The following PCCA variants were observed in gnomAD, a reference collection of about 807,000 sequenced individuals.
PCCA encodes propionyl-CoA carboxylase alpha chain, mitochondrial.
Under a neutral mutation model 101.3 loss-of-function variants are expected in PCCA, and 74 were observed. That is an observed-to-expected ratio of 0.73 (90% CI 0.61 to 0.89). PCCA has a LOEUF of 0.89. Ranked by LOEUF, PCCA falls within the 40% of genes least tolerant of loss-of-function variation. The probability of loss-of-function intolerance (pLI) is 0.00; values close to 1 mark genes in which losing one functional copy is unlikely to be tolerated. For missense variants in PCCA, 891 were observed against 907.0 expected (o/e 0.98, Z 0.23); for synonymous variants, 294 against 313.6 (o/e 0.94, Z 0.66).
chr13:100,205,808 A>C (rs953440053), intron 6 of PCCA, among the ~76,000 whole-genome samples: 2 of 152,158 alleles, frequency 1.3e-5, no homozygotes, highest in African/African-American at 4.8e-5. Flanking sequence ...CCATCTTTGC[A>C]AGTAAAATGA....
intron 8 of PCCA, among the ~76,000 whole-genome samples, chr13:100,256,256 C>T (rs1420938539): frequency 3.3e-5 from 5 of 152,140 alleles, no homozygotes; most frequent in African/African-American, 1.2e-4. Flanking sequence ...TCGCCCACCT[C>T]AGCCTCCCAA....
chr13:100,126,869 T>C (rs2050008826), intron 4 of PCCA, among the ~76,000 whole-genome samples: 1 of 152,206 alleles, frequency 6.6e-6, no homozygotes, highest in Non-Finnish European at 1.5e-5. Context: ...TGTATTAACT[T>C]AATTAAAGCA....
intron 6 of PCCA, among the ~76,000 whole-genome samples, chr13:100,208,336 T>C (rs2058996714): frequency 6.6e-6 from 1 of 152,174 alleles, no homozygotes; most frequent in Non-Finnish European, 1.5e-5. Flanking sequence ...TCAAGATTCT[T>C]TGCAGGCAGC....
At chr13:100,231,760 C>T (rs890957504) in intron 7 of PCCA, among the ~76,000 whole-genome samples, 59 of 151,978 alleles carry the variant, frequency 3.9e-4, no homozygotes, top group African/African-American at 1.4e-3. Context: ...TAAATATAGA[C>T]AAGGTCTTGC....
At chr13:100,465,793 G>T (rs2082470744) in intron 21 of PCCA, among the ~76,000 whole-genome samples, 1 of 152,246 alleles carries the variant, frequency 6.6e-6, no homozygotes, top group South Asian at 2.1e-4. Context: ...CAGAACAGAT[G>T]TGAAACTTAG....
At chr13:100,403,648 T>A (rs1404324682) in intron 19 of PCCA, among the ~76,000 whole-genome samples, 1 of 152,176 alleles carries the variant, frequency 6.6e-6, no homozygotes, top group Non-Finnish European at 1.5e-5. Flanking sequence ...TGGGGTTCTT[T>A]GTCCCATGGC....
chr13:100,442,236 C>G (rs1243086824), intron 20 of PCCA, among the ~76,000 whole-genome samples: 1 of 152,104 alleles, frequency 6.6e-6, no homozygotes, highest in Non-Finnish European at 1.5e-5. Context: ...TCAAGTGATC[C>G]GCCTTCCTTG....
intron 5 of PCCA, among the ~76,000 whole-genome samples, chr13:100,155,340 G>C (rs1439671751): frequency 6.6e-6 from 1 of 152,172 alleles, no homozygotes; most frequent in Non-Finnish European, 1.5e-5. Context: ...AGCAGTTTCA[G>C]TTCATTTCCA....
chr13:100,505,066 G>C (rs1412028936), intron 21 of PCCA, among the ~76,000 whole-genome samples: 1 of 152,222 alleles, frequency 6.6e-6, no homozygotes, highest in Non-Finnish European at 1.5e-5. Flanking sequence ...TCTGACTCCA[G>C]ATCCTAAATG....
chr13:100,110,494 G>A (rs2048210831), intron 2 of PCCA, among the ~76,000 whole-genome samples: 2 of 152,134 alleles, frequency 1.3e-5, no homozygotes, highest in Non-Finnish European at 2.9e-5. Context: ...TTGGGTTTAG[G>A]TCTCTAGATA....
At chr13:100,367,535 C>G (rs1595615150) in intron 18 of PCCA, among the ~76,000 whole-genome samples, 1 of 150,224 alleles carries the variant, frequency 6.7e-6, no homozygotes, top group Non-Finnish European at 1.5e-5. Flanking sequence ...AGATGTTGTC[C>G]TATTATATAA....
chr13:100,415,810 G>A (rs1056306132), intron 19 of PCCA, among the ~76,000 whole-genome samples: 1 of 152,106 alleles, frequency 6.6e-6, no homozygotes, highest in Non-Finnish European at 1.5e-5. Flanking sequence ...TAGTTTTTTG[G>A]CAAATATTTT....
At chr13:100,359,259 TGTC>T (rs781063542) in intron 18 of PCCA, among the ~76,000 whole-genome samples, 22 of 152,126 alleles carry the variant, frequency 1.4e-4, no homozygotes, top group Non-Finnish European at 2.6e-4. Context: ...TATTTAATGT[TGTC>T]TTCTTAAGAT....
intron 8 of PCCA, among the ~76,000 whole-genome samples, chr13:100,256,910 T>C (rs2062112746): frequency 6.6e-6 from 1 of 152,242 alleles, no homozygotes; most frequent in Non-Finnish European, 1.5e-5. Context: ...TACTTAATCA[T>C]GTAACTGATG....
intron 19 of PCCA, among the ~76,000 whole-genome samples, chr13:100,398,539 G>A (rs2077165354): frequency 6.6e-6 from 1 of 152,128 alleles, no homozygotes; most frequent in African/African-American, 2.4e-5. Context: ...GATTTGAATT[G>A]TTCCGCTATT....
chr13:100,215,292 G>T (rs1229033726), intron 7 of PCCA, among the ~76,000 whole-genome samples: 1 of 152,116 alleles, frequency 6.6e-6, no homozygotes, highest in Admixed American at 6.6e-5. Context: ...CCAAGTGCAC[G>T]CAATTTGTCT....
chr13:100,319,433 T>TGCCTAGG (rs1380179611), intron 16 of PCCA, among the ~76,000 whole-genome samples: 2 of 152,226 alleles, frequency 1.3e-5, no homozygotes, highest in Non-Finnish European at 2.9e-5. Context: ...TGAATGGTAT[T>TGCCTAGG]GCCTAGGTTT....
In PCCA at chr13:100,530,305, A is replaced by G; in HGVS notation, c.*139A>G. 1 of 742,896 alleles carries G rather than the reference A, an allele frequency of 1.3e-6. No individual in the cohort carries two copies. The highest frequency in any genetic ancestry group is 1.5e-5 in the South Asian group (1 of 66,028). 46.0% of individuals were successfully genotyped at this position (742,896 alleles called of 1,614,324 possible). A position where few individuals can be genotyped will look rare whatever the true frequency, so the allele number is the denominator to read the frequency against. ...TCGTCATTTATTCCACAGAGTCAAG[A>G]CCAATATTCTGCCAAAAAATCACCA... On this transcript the variant is annotated 3_prime_UTR_variant, in exon 24 of 24. Coordinates refer to ENST00000376285, the MANE Select transcript of PCCA (RefSeq NM_000282.4).
chr13:100,269,150 A>G (rs553551180), intron 11 of PCCA, among the ~76,000 whole-genome samples: 3 of 152,128 alleles, frequency 2.0e-5, no homozygotes, highest in Non-Finnish European at 1.5e-5. Flanking sequence ...TCCCAGCCAC[A>G]TTTCTTTTTT....
Sources: allele counts gnomAD v4.1 joint callset (sites outside exome capture counted in the v4.1 genomes callset), GRCh38; gene constraint gnomAD v4.1.1; transcripts MANE v1.5; gene names NCBI Gene and HGNC (gene_info 2026-07-23, HGNC 2026-07-21).